Variants in THSD4 observed in about 807,000 individuals in gnomAD.
THSD4 encodes thrombospondin type-1 domain-containing protein 4.
Under a neutral mutation model 119.0 loss-of-function variants are expected in THSD4, and 69 were observed. The observed-to-expected ratio is 0.58, with a 90% confidence interval of 0.48 to 0.71. The LOEUF (loss-of-function observed/expected upper bound fraction) is 0.71. THSD4 is among the 30% of genes least tolerant of loss of function. THSD4 has a pLI of 0.00. For missense variants in THSD4, 1,393 were observed against 1,391.1 expected, an observed-to-expected ratio of 1.00 and a Z score of -0.02; for synonymous variants, 524 against 540.4, an observed-to-expected ratio of 0.97 and a Z score of 0.42.
At position 71,502,700 on chromosome 15, in the gene THSD4, GA is replaced by G. The variant is rs75629261; in HGVS notation, c.1152+90879del. Among the ~76,000 whole-genome samples, 3 of 152,126 alleles carry G rather than the reference GA, an allele frequency of 2.0e-5. No individual in the cohort carries two copies. The East Asian group carries it at 5.8e-4, about 29-fold the overall frequency. On this transcript the variant is annotated intron_variant, in intron 7 of 17. Transcript: ENST00000261862. Reference sequence around the variant, plus strand: ...CAGATCATAATATATTCTATGTATGGAATACATACTGAATAGAAGCAGAAGA... The same window carrying G: ...CAGATCATAATATATTCTATGTATGGATACATACTGAATAGAAGCAGAAGA...
intron 7 of THSD4, among the ~76,000 whole-genome samples, chr15:71,565,811 G>A (rs540223841): frequency 1.4e-4 from 21 of 152,296 alleles, no homozygotes; most frequent in African/African-American, 4.6e-4. Context: ...GGGAAGCATC[G>A]TCTAATTTAT....
intron 7 of THSD4, among the ~76,000 whole-genome samples, chr15:71,523,143 T>C (rs2140791132): frequency 6.6e-6 from 1 of 152,322 alleles, no homozygotes; most frequent in South Asian, 2.1e-4. Flanking sequence ...CTGTAACCAA[T>C]TACTACAAAC....
At chr15:71,541,798 G>A (rs1290449898) in intron 7 of THSD4, among the ~76,000 whole-genome samples, 1 of 152,186 alleles carries the variant, frequency 6.6e-6, no homozygotes, top group African/African-American at 2.4e-5. Flanking sequence ...CAGTGAGGAT[G>A]GGGGAATGAC....
chr15:71,588,424 T>A (rs900454234), intron 7 of THSD4, among the ~76,000 whole-genome samples: 43 of 151,444 alleles, frequency 2.8e-4, no homozygotes, highest in African/African-American at 6.6e-4. Context: ...TTTTTTAATT[T>A]ATTTATTTAT....
intron 7 of THSD4, among the ~76,000 whole-genome samples, chr15:71,587,708 G>T (rs1211807919): frequency 1.5e-5 from 2 of 129,860 alleles, no homozygotes; most frequent in Non-Finnish European, 3.3e-5. Context: ...CACCAGCATG[G>T]CACATGTATA....
chr15:71,668,428 C>T (rs976767471), intron 8 of THSD4, among the ~76,000 whole-genome samples: 5 of 152,022 alleles, frequency 3.3e-5, no homozygotes, highest in African/African-American at 1.2e-4. Flanking sequence ...TGAGATGAAG[C>T]CCCAAGAGGC....
chr15:71,135,276 G>A (rs1236026930), intron 1 of THSD4, among the ~76,000 whole-genome samples: 1 of 148,548 alleles, frequency 6.7e-6, no homozygotes, highest in Non-Finnish European at 1.5e-5. Context: ...TAGATGACGA[G>A]TTGGTGCAGC....
At chr15:71,747,543 G>C (rs975487574) in intron 13 of THSD4, among the ~76,000 whole-genome samples, 2 of 152,382 alleles carry the variant, frequency 1.3e-5, no homozygotes, top group Non-Finnish European at 1.5e-5. Context: ...AAGTTGAAAG[G>C]CTTTTAGAAG....
chr15:71,478,370 G>A (rs932038907), intron 7 of THSD4, among the ~76,000 whole-genome samples: 26 of 152,116 alleles, frequency 1.7e-4, no homozygotes, highest in African/African-American at 6.3e-4. Context: ...CTTCTTTAAA[G>A]TAGGACATAA....
Position 71,777,360 on chromosome 15 carries a change from C to T in THSD4, c.3043C>T (p.Leu1015=), listed in dbSNP as rs2053933339. The part of the protein sequence containing the change: ...TRVANRQTGF[L]GSR ...TGTGGCCAACAGGCAGACGGGCTTC[C>T]TGGGGAGCAGATAACACTCCTGCAC... is the stretch of plus-strand genomic sequence containing the variant. The change falls in exon 18 of 18, where the codon CTG becomes TTG. Residue 1015 remains leucine, a synonymous_variant. Coordinates refer to ENST00000261862, the MANE Select transcript of THSD4 (RefSeq NM_024817.3). 1 of 1,613,800 alleles carries T rather than the reference C, an allele frequency of 6.2e-7. No homozygotes were observed. Among genetic ancestry groups the T allele is most frequent in the African/African-American group, 1.3e-5 (1 of 74,938 alleles).
At chr15:71,497,234 C>T (rs929619688) in intron 7 of THSD4, among the ~76,000 whole-genome samples, 1 of 152,130 alleles carries the variant, frequency 6.6e-6, no homozygotes, top group Non-Finnish European at 1.5e-5. Context: ...TATATGTGGC[C>T]GGGCACGGTG....
At chr15:71,413,655 A>T (rs2046719561) in intron 7 of THSD4, among the ~76,000 whole-genome samples, 1 of 152,204 alleles carries the variant, frequency 6.6e-6, no homozygotes, top group Non-Finnish European at 1.5e-5. Context: ...TTTGAATGCA[A>T]GTTAAGAAAG....
chr15:71,162,291 G>A (rs552293231), intron 3 of THSD4, among the ~76,000 whole-genome samples: 6 of 151,968 alleles, frequency 3.9e-5, no homozygotes, highest in Non-Finnish European at 7.4e-5. Flanking sequence ...AATTCTATAA[G>A]GATTTCTTGT....
At chr15:71,545,894 T>C (rs991819966) in intron 7 of THSD4, among the ~76,000 whole-genome samples, 1 of 152,306 alleles carries the variant, frequency 6.6e-6, no homozygotes, top group Non-Finnish European at 1.5e-5. Context: ...CTGAGATGGC[T>C]ACGAACTGCA....
At chr15:71,298,162 G>C (rs12906632) in intron 6 of THSD4, among the ~76,000 whole-genome samples, 80,893 of 151,940 alleles carry the variant, frequency 0.53, 22,116 homozygotes, top group East Asian at 0.72. Flanking sequence ...TTTTGGAGGG[G>C]CTATTCAGTT....
At position 71,777,656 on chromosome 15, in the gene THSD4, G is replaced by A. The variant is rs905028142; in HGVS notation, c.*282G>A. On this transcript the variant is annotated 3_prime_UTR_variant, in exon 18 of 18. Coordinates refer to ENST00000261862, the MANE Select transcript of THSD4 (RefSeq NM_024817.3). ...GGTGCCCTTTGAAAGTCAAGCAGTG[G>A]GAAGTACATGGAGCTCTCAGCCCTG... 2.5e-5 allele frequency: 11 copies of A among 444,202 alleles called. No individual in the cohort carries two copies. The highest frequency in any genetic ancestry group is 4.2e-6 in the Non-Finnish European group (1 of 239,258). 27.5% of individuals were successfully genotyped at this position (444,202 alleles called of 1,614,324 possible).
intron 6 of THSD4, among the ~76,000 whole-genome samples, chr15:71,408,573 T>G (rs934077763): frequency 1.3e-5 from 2 of 151,956 alleles, no homozygotes; most frequent in African/African-American, 2.4e-5. Context: ...AGGTGGGGGC[T>G]GGGGGCAGAG....
At chr15:71,700,067 C>G (rs2052253331) in intron 8 of THSD4, among the ~76,000 whole-genome samples, 3 of 151,868 alleles carry the variant, frequency 2.0e-5, no homozygotes, top group African/African-American at 7.3e-5. Flanking sequence ...TAAGGATACT[C>G]AATATCACTA....
chr15:71,192,466 A>G (rs1596260155), intron 3 of THSD4, among the ~76,000 whole-genome samples: 1 of 152,014 alleles, frequency 6.6e-6, no homozygotes, highest in East Asian at 1.9e-4. Context: ...TATTTTTAGT[A>G]GAGGCAGGGT....
Sources: gnomAD v4.1 joint callset for allele counts (sites outside exome capture counted in the v4.1 genomes callset) on GRCh38, gnomAD v4.1.1 for gene constraint, MANE v1.5 for transcripts, NCBI Gene and HGNC (gene_info 2026-07-23, HGNC 2026-07-21) for gene names.